BRINP2: variants seen among roughly 807,000 people sequenced by gnomAD.
BRINP2 encodes BMP/retinoic acid inducible neural specific 2, also known as BMP/retinoic acid-inducible neural-specific protein 2.
In BRINP2, 21 loss-of-function variants were observed where a neutral mutation model predicts 69.2. The observed-to-expected ratio is 0.30, with a 90% CI of 0.22 to 0.44. The LOEUF (loss-of-function observed/expected upper bound fraction) is 0.44, where lower values mean the gene tolerates loss of function less well. BRINP2 is among the 20% of genes least tolerant of loss of function. The pLI is 1.00. For missense variants in BRINP2, 877 were observed against 986.0 expected, an observed-to-expected ratio of 0.89 and a Z score of 1.48; for synonymous variants, 380 against 394.1, an observed-to-expected ratio of 0.96 and a Z score of 0.42.
chr1:177,271,449 A>G (rs1328943595), intron 4 of BRINP2, among the ~76,000 whole-genome samples: 1 of 152,220 alleles, frequency 6.6e-6, no homozygotes, highest in Non-Finnish European at 1.5e-5. Flanking sequence ...CCTTTGACCT[A>G]CCTGCTCAGG....
intron 4 of BRINP2, among the ~76,000 whole-genome samples, chr1:177,265,223 T>C (rs1651079920): frequency 6.6e-6 from 1 of 152,168 alleles, no homozygotes; most frequent in Non-Finnish European, 1.5e-5. Flanking sequence ...CCCTATTTAA[T>C]AAATGGTGCT....
intron 6 of BRINP2, 54 bp from the exon 7 acceptor site, chr1:177,278,509 A>G (rs1651575182): frequency 6.4e-7 from 1 of 1,556,130 alleles, no homozygotes; most frequent in East Asian, 2.2e-5. Context: ...ACTTGCCCCT[A>G]CCAGAGTTCT....
At chr1:177,200,920 T>G (rs1648891817) in intron 1 of BRINP2, among the ~76,000 whole-genome samples, 1 of 152,202 alleles carries the variant, frequency 6.6e-6, no homozygotes, top group Non-Finnish European at 1.5e-5. Context: ...AAACAGGTAT[T>G]GTAAGTGAAG....
chr1:177,246,906 T>A (rs1192678974), intron 2 of BRINP2, among the ~76,000 whole-genome samples: 2 of 152,248 alleles, frequency 1.3e-5, no homozygotes, highest in East Asian at 3.8e-4. Context: ...TCATGTGATG[T>A]GTCTGGAAAT....
intron 1 of BRINP2, among the ~76,000 whole-genome samples, chr1:177,190,618 C>T (rs1043069807): frequency 6.6e-6 from 1 of 152,154 alleles, no homozygotes; most frequent in African/African-American, 2.4e-5. Context: ...CAGCTATAGG[C>T]AAACTGGACC....
chr1:177,180,904 ATTG>A (rs1648226415), intron 1 of BRINP2, among the ~76,000 whole-genome samples: 1 of 152,158 alleles, frequency 6.6e-6, no homozygotes, highest in African/African-American at 2.4e-5. Flanking sequence ...AGGACCAATC[ATTG>A]TTGTTCTCCC....
At chr1:177,202,218 C>T (rs1255728935) in intron 1 of BRINP2, among the ~76,000 whole-genome samples, 2 of 152,050 alleles carry the variant, frequency 1.3e-5, no homozygotes, top group African/African-American at 4.8e-5. Context: ...CTGCTCTGAT[C>T]TTAGTTATTT....
chr1:177,204,063 A>T (rs1170155282), intron 1 of BRINP2, among the ~76,000 whole-genome samples: 1 of 152,172 alleles, frequency 6.6e-6, no homozygotes, highest in Non-Finnish European at 1.5e-5. Flanking sequence ...TTAAACCAGA[A>T]CATTTGGGGA....
chr1:177,253,241 T>C (rs1474370688), intron 2 of BRINP2, among the ~76,000 whole-genome samples: 3 of 152,128 alleles, frequency 2.0e-5, no homozygotes, highest in Non-Finnish European at 4.4e-5. Context: ...ACAGCCATTC[T>C]AACTAGGGTG....
intron 2 of BRINP2, among the ~76,000 whole-genome samples, chr1:177,241,576 A>G (rs1177550780): frequency 1.3e-5 from 2 of 151,766 alleles, no homozygotes; most frequent in Admixed American, 1.3e-4. Context: ...TCCCTTTTCC[A>G]TCTTTCTTCA....
intron 6 of BRINP2, among the ~76,000 whole-genome samples, chr1:177,278,180 G>T (rs1302028374): frequency 6.6e-6 from 1 of 152,078 alleles, no homozygotes; most frequent in African/African-American, 2.4e-5. Context: ...TATGGGTTTT[G>T]TGGTGTTATT....
rs746921755 is a variant in BRINP2 at position 177,280,564 on chromosome 1, G to A, written c.1388G>A (p.Gly463Glu). The A allele has an allele frequency of 1.9e-6, 3 of 1,614,170 alleles. No homozygotes were observed. Among genetic ancestry groups the A allele is most frequent in the Non-Finnish European group, 2.5e-6 (3 of 1,180,028 alleles). ...QGPIPCALGE[G>E]PACAHCAPDN... ...CCCATCCCATGTGCCTTGGGCGAAG[G>A]GCCCGCGTGTGCCCACTGTGCTCCA... Residue 463 changes from glycine to glutamate, a missense_variant, in exon 8 of 8, where the codon GGG becomes GAG. Gly to Glu is a moderately conservative substitution (Grantham distance 98). Around this residue, in one of 3 missense-constraint regions of BRINP2, gnomAD observed 566 missense variants for 625.2 expected, o/e 0.91. Transcript: ENST00000361539.
At chr1:177,226,668 C>A (rs1649702326) in intron 1 of BRINP2, among the ~76,000 whole-genome samples, 2 of 152,196 alleles carry the variant, frequency 1.3e-5, no homozygotes, top group African/African-American at 4.8e-5. Context: ...CTCAGGGTGT[C>A]ACCAGACTGA....
intron 1 of BRINP2, among the ~76,000 whole-genome samples, chr1:177,178,992 T>C (rs1475368623): frequency 6.6e-6 from 1 of 152,154 alleles, no homozygotes; most frequent in South Asian, 2.1e-4. Flanking sequence ...TTTGATCCTA[T>C]AAGGTAAGTA....
At position 177,269,027 on chromosome 1, in the gene BRINP2, T is replaced by A. The variant is rs74781543; in HGVS notation, c.670-4461T>A. 4.8e-4 allele frequency among the ~76,000 whole-genome samples: 73 copies of A among 152,246 alleles called. 3 individuals are homozygous for A. In the East Asian group the frequency reaches 0.014, roughly 29 times the overall value. On this transcript the variant is annotated intron_variant, in intron 4 of 7. Coordinates refer to ENST00000361539, the MANE Select transcript of BRINP2 (RefSeq NM_021165.4). ...GTGGTTACATCAGTTTTTAAAATAT[T>A]GAAACACTTCTATACAGCCAGTGAA... is the stretch of plus-strand genomic sequence containing the variant.
intron 1 of BRINP2, among the ~76,000 whole-genome samples, chr1:177,206,675 G>A (rs1461315131): frequency 2.0e-5 from 3 of 152,192 alleles, no homozygotes; most frequent in African/African-American, 7.2e-5. Context: ...ACAAGAAGAG[G>A]GATAAGGACA....
rs1292516539 is a variant in BRINP2, at chr1:177,230,109, A to G, written c.233A>G (p.Tyr78Cys). ...AQEYADFMERYRQGFTTRYRI... is the reference protein window; with the variant it reads ...AQEYADFMERCRQGFTTRYRI... ...GAGTATGCTGACTTCATGGAGCGGT[A>G]CCGCCAGGGTTTCACCACCAGGTAC... The change falls in exon 2 of 8, where the codon TAC (tyrosine) becomes TGC (cysteine). Residue 78 changes from tyrosine to cysteine, a missense_variant. Tyr to Cys is a radical substitution (Grantham distance 194). Around this residue, in one of 3 missense-constraint regions of BRINP2, gnomAD observed 566 missense variants for 625.2 expected, o/e 0.91. Coordinates refer to ENST00000361539, the MANE Select transcript of BRINP2 (RefSeq NM_021165.4). 1 of 1,612,718 alleles carries G rather than the reference A, an allele frequency of 6.2e-7. No homozygotes were observed. Among genetic ancestry groups the G allele is most frequent in the Non-Finnish European group, 8.5e-7 (1 of 1,179,340 alleles).
Position 177,230,127 on chromosome 1 carries a change from C to G in BRINP2, c.251C>G (p.Thr84Ser). ...FMERYRQGFT[T>S]RYRIYREFAR... ...GAGCGGTACCGCCAGGGTTTCACCA[C>G]CAGGTACAGGATTTATAGGTAAGTG... Residue 84 changes from threonine to serine, a missense_variant, in exon 2 of 8, where the codon ACC becomes AGC. Thr to Ser is a moderately conservative substitution (Grantham distance 58). Coordinates refer to ENST00000361539, the MANE Select transcript of BRINP2 (RefSeq NM_021165.4). The G allele has an allele frequency of 6.2e-7, 1 of 1,610,250 alleles. No individual in the cohort carries two copies. The highest frequency in any genetic ancestry group is 8.5e-7 in the Non-Finnish European group (1 of 1,177,916).
intron 2 of BRINP2, among the ~76,000 whole-genome samples, chr1:177,243,708 TA>T (rs1237625630): frequency 1.3e-5 from 2 of 152,172 alleles, no homozygotes; most frequent in Non-Finnish European, 2.9e-5. Context: ...CTGAGTGACT[TA>T]ATGAAAGTTT....
Sources: allele counts gnomAD v4.1 joint callset (sites outside exome capture counted in the v4.1 genomes callset), GRCh38; gene constraint gnomAD v4.1.1; regional missense constraint gnomAD v4.1.1; transcripts MANE v1.5; gene names NCBI Gene and HGNC (gene_info 2026-07-23, HGNC 2026-07-21).